The following EYA4 variants were observed in gnomAD, a reference collection of about 807,000 sequenced individuals.
The protein encoded by EYA4 is EYA transcriptional coactivator and phosphatase 4, also known as protein phosphatase EYA4.
In EYA4, 31 loss-of-function variants were observed where a neutral mutation model predicts 87.9. The ratio of observed to expected loss-of-function variants is 0.35; its 90% CI spans 0.27 to 0.48. The LOEUF (loss-of-function observed/expected upper bound fraction) is 0.48. Ranked by LOEUF, EYA4 falls within the 20% of genes least tolerant of loss-of-function variation. The pLI is 0.99. For synonymous variants in EYA4, 263 were observed against 270.6 expected (o/e 0.97, Z 0.28); for missense variants, 678 against 761.4 (o/e 0.89, Z 1.29).
At chr6:133,322,024 A>G (rs1323583614) in intron 2 of EYA4, among the ~76,000 whole-genome samples, 2 of 152,188 alleles carry the variant, frequency 1.3e-5, no homozygotes, top group Non-Finnish European at 2.9e-5. Context: ...GTATATTTTC[A>G]GATTGTGTTT....
chr6:133,265,983 C>T (rs1302263801), intron 1 of EYA4, among the ~76,000 whole-genome samples: 1 of 152,148 alleles, frequency 6.6e-6, no homozygotes, highest in East Asian at 1.9e-4. Flanking sequence ...TTAATTCTTA[C>T]ATATGCTTTC....
intron 2 of EYA4, among the ~76,000 whole-genome samples, chr6:133,287,058 C>G (rs1778124693): frequency 6.6e-6 from 1 of 150,884 alleles, no homozygotes; most frequent in Non-Finnish European, 1.5e-5. Context: ...GGGGGGACCA[C>G]AGATCTACAT....
chr6:133,304,278 C>T (rs955887534), intron 2 of EYA4, among the ~76,000 whole-genome samples: 5 of 152,200 alleles, frequency 3.3e-5, no homozygotes, highest in African/African-American at 9.6e-5. Flanking sequence ...CAAACATTAA[C>T]ATATTATTTT....
chr6:133,438,305 T>A (rs1326762671), intron 3 of EYA4, among the ~76,000 whole-genome samples: 1 of 151,408 alleles, frequency 6.6e-6, no homozygotes, highest in African/African-American at 2.4e-5. Context: ...TATTTTGAGG[T>A]TTTTGTTTTT....
intron 2 of EYA4, among the ~76,000 whole-genome samples, chr6:133,287,726 A>C (rs1433215353): frequency 2.6e-5 from 4 of 152,240 alleles, no homozygotes; most frequent in Non-Finnish European, 5.9e-5. Context: ...TATATTTAAA[A>C]TGATGTTTTA....
At chr6:133,324,362 A>G (rs370348705) in intron 2 of EYA4, among the ~76,000 whole-genome samples, 20 of 152,314 alleles carry the variant, frequency 1.3e-4, no homozygotes, top group African/African-American at 2.6e-4. Flanking sequence ...GAAGAAATTT[A>G]GAATCTTGGA....
At chr6:133,509,748 C>T (rs777943964) in intron 14 of EYA4, among the ~76,000 whole-genome samples, 49 of 152,064 alleles carry the variant, frequency 3.2e-4, no homozygotes, top group Non-Finnish European at 6.6e-4. Context: ...CTTTGTGAGA[C>T]AAAATTAAAG....
Position 133,460,815 on chromosome 6 carries a change from C to T in EYA4, c.371-299C>T, listed in dbSNP as rs12211899. On this transcript the variant is annotated intron_variant, in intron 6 of 19. Transcript: ENST00000355286. ...TTTATATTTTGAAAGCTTAATTACC[C>T]TATAATCAAAGATATTTATTCATAG... Among the ~76,000 whole-genome samples, 33,729 of 151,808 alleles carry T rather than the reference C, an allele frequency of 0.22. 3,892 individuals are homozygous for T. The highest frequency in any genetic ancestry group is 0.32 in the East Asian group (1,657 of 5,144).
At chr6:133,397,057 T>C (rs1217086262) in intron 3 of EYA4, among the ~76,000 whole-genome samples, 1 of 152,230 alleles carries the variant, frequency 6.6e-6, no homozygotes, top group East Asian at 1.9e-4. Flanking sequence ...AGCAGACTTT[T>C]AATGGCCCAG....
chr6:133,468,680 A>C lies in EYA4; in HGVS notation c.919A>C (p.Thr307Pro). ...CACAGCCGATGGCACACCCTCTTCAACCTCTACTTATCAGTTGCAGGAATC... is the reference window on the plus strand; with the variant it reads ...CACAGCCGATGGCACACCCTCTTCACCCTCTACTTATCAGTTGCAGGAATC... Reference protein sequence around the residue: ...NNTADGTPSSTSTYQLQESLP... With the variant: ...NNTADGTPSSPSTYQLQESLP... The change falls in exon 11 of 20, where the codon ACC (threonine) becomes CCC (proline). Residue 307 changes from threonine (T) to proline (P), a missense_variant. Physicochemically the swap from Thr to Pro is conservative, Grantham distance 38 (BLOSUM62 -1). Transcript: ENST00000355286. The C allele has an allele frequency of 6.2e-7, 1 of 1,613,076 alleles. No homozygotes were observed. Among genetic ancestry groups the C allele is most frequent in the Non-Finnish European group, 8.5e-7 (1 of 1,179,282 alleles).
At chr6:133,446,283 CAT>C (rs1228430080) in intron 3 of EYA4, among the ~76,000 whole-genome samples, 3 of 151,998 alleles carry the variant, frequency 2.0e-5, no homozygotes, top group African/African-American at 7.2e-5. Flanking sequence ...ATGGAATAGT[CAT>C]AGGATTATTT....
intron 13 of EYA4, among the ~76,000 whole-genome samples, chr6:133,497,407 G>C (rs1439781476): frequency 1.3e-5 from 2 of 152,124 alleles, no homozygotes; most frequent in African/African-American, 4.8e-5. Flanking sequence ...TTCCTAATGG[G>C]TTATCACTTT....
chr6:133,348,439 G>A (rs902264777), intron 2 of EYA4, among the ~76,000 whole-genome samples: 2 of 151,540 alleles, frequency 1.3e-5, no homozygotes, highest in African/African-American at 4.8e-5. Flanking sequence ...TAATTTTTTT[G>A]TATTGTTAGC....
chr6:133,357,098 C>T (rs1262766072), intron 2 of EYA4, among the ~76,000 whole-genome samples: 1 of 151,578 alleles, frequency 6.6e-6, no homozygotes, highest in Non-Finnish European at 1.5e-5. Context: ...AGTGAAACCC[C>T]GTCTCTACTA....
At chr6:133,332,711 A>ATTTTTTTTTTTTTTTTT (rs71003634) in intron 2 of EYA4, among the ~76,000 whole-genome samples, 6 of 124,898 alleles carry the variant, frequency 4.8e-5, no homozygotes, top group African/African-American at 6.1e-5. Context: ...GCCCAGCTAA[A>ATTTTTTTTTTTTTTTTT]TTTTTTTTTT....
At chr6:133,295,315 CTA>C (rs1778865721) in intron 2 of EYA4, among the ~76,000 whole-genome samples, 1 of 152,200 alleles carries the variant, frequency 6.6e-6, no homozygotes, top group Non-Finnish European at 1.5e-5. Context: ...CCTAGAAAAA[CTA>C]CATTTGAAGC....
intron 9 of EYA4, among the ~76,000 whole-genome samples, chr6:133,464,491 A>G (rs763840107): frequency 1.1e-4 from 16 of 152,080 alleles, no homozygotes; most frequent in Non-Finnish European, 2.1e-4. Flanking sequence ...TATCCTTTGC[A>G]TACCCCTGCA....
intron 2 of EYA4, among the ~76,000 whole-genome samples, chr6:133,311,272 C>A (rs1780193265): frequency 6.6e-6 from 1 of 152,076 alleles, no homozygotes. Flanking sequence ...CCTGTGGCAT[C>A]TCTTCTTTAT....
At chr6:133,365,543 A>G (rs983132194) in intron 2 of EYA4, among the ~76,000 whole-genome samples, 16 of 152,122 alleles carry the variant, frequency 1.1e-4, no homozygotes, top group Non-Finnish European at 2.1e-4. Context: ...TTTATTACTT[A>G]CATTTCCCAC....
Sources: gnomAD v4.1 joint callset for allele counts (sites outside exome capture counted in the v4.1 genomes callset) on GRCh38, gnomAD v4.1.1 for gene constraint, MANE v1.5 for transcripts, NCBI Gene and HGNC (gene_info 2026-07-23, HGNC 2026-07-21) for gene names.